The following ACYP2 variants were observed in gnomAD, a reference collection of about 807,000 sequenced individuals.
ACYP2 encodes acylphosphatase-2.
Under a neutral mutation model 11.2 loss-of-function variants are expected in ACYP2, and 12 were observed. The ratio of observed to expected loss-of-function variants is 1.08; its 90% confidence interval spans 0.69 to 1.74. ACYP2 has a LOEUF of 1.74. Among genes scored for constraint, ACYP2 ranks in the 40% most tolerant of loss-of-function variants. The probability of loss-of-function intolerance (pLI) is 0.00; values close to 1 mark genes in which losing one functional copy is unlikely to be tolerated. For missense variants in ACYP2, 134 were observed against 101.9 expected, an observed-to-expected ratio of 1.31 and a Z score of -1.35; for synonymous variants, 43 against 32.2, an observed-to-expected ratio of 1.33 and a Z score of -1.13.
At chr2:54,190,767 C>T (rs1389798317) in intron 6 of ACYP2, among the ~76,000 whole-genome samples, 1 of 152,102 alleles carries the variant, frequency 6.6e-6, no homozygotes, top group Non-Finnish European at 1.5e-5. Flanking sequence ...GACCTGAACT[C>T]CAGAGTCACA....
At chr2:54,124,750 G>C (rs1284830510) in intron 4 of ACYP2, among the ~76,000 whole-genome samples, 2 of 152,120 alleles carry the variant, frequency 1.3e-5, no homozygotes, top group African/African-American at 4.8e-5. Context: ...ACCCAGGCTA[G>C]AGTGCAGCAG....
chr2:54,101,024 G>A (rs998407086), intron 4 of ACYP2, among the ~76,000 whole-genome samples: 4 of 152,218 alleles, frequency 2.6e-5, no homozygotes, highest in Admixed American at 1.3e-4. Context: ...GGGAATGCCA[G>A]CAGTTAGCAG....
At chr2:54,285,394 T>C (rs1478681597) in intron 6 of ACYP2, among the ~76,000 whole-genome samples, 1 of 152,210 alleles carries the variant, frequency 6.6e-6, no homozygotes, top group African/African-American at 2.4e-5. Flanking sequence ...TTCTCTTCTG[T>C]TTCCATTTAT....
chr2:54,005,583 C>T (rs1388771032), intron 2 of ACYP2, among the ~76,000 whole-genome samples: 1 of 152,210 alleles, frequency 6.6e-6, no homozygotes, highest in East Asian at 1.9e-4. Flanking sequence ...AGGTGATCCA[C>T]CTGCCTCAGC....
intron 3 of ACYP2, among the ~76,000 whole-genome samples, chr2:54,054,594 A>G (rs1676024948): frequency 6.6e-6 from 1 of 152,228 alleles, no homozygotes; most frequent in African/African-American, 2.4e-5. Flanking sequence ...ACCATGCTAT[A>G]ATTAAAGAGT....
At chr2:54,090,294 T>C (rs923390900) in intron 4 of ACYP2, among the ~76,000 whole-genome samples, 12 of 152,116 alleles carry the variant, frequency 7.9e-5, no homozygotes, top group African/African-American at 2.9e-4. Flanking sequence ...TTCTACTGCA[T>C]GAACCTCTTT....
At position 54,182,047 on chromosome 2, in the gene ACYP2, ATTTTTTT is replaced by A. The variant is rs35145998; in HGVS notation, c.404+43319_404+43325del. On this transcript the variant is annotated intron_variant, in intron 6 of 6. Coordinates refer to ENST00000607452, the MANE Select transcript of ACYP2 (RefSeq NM_001320586.2). Reference sequence around the variant, plus strand: ...AAAGAAAACAGAAAAATAGAAGATAATTTTTTTTTTTTTTTTTTTTTTTTTTGGTTGA... The same window carrying A: ...AAAGAAAACAGAAAAATAGAAGATAATTTTTTTTTTTTTTTTTTTGGTTGA... 1.0e-3 allele frequency among the ~76,000 whole-genome samples: 86 copies of A among 83,070 alleles called. 1 individual carries two copies. Among genetic ancestry groups the A allele is most frequent in the East Asian group, 3.8e-3 (11 of 2,892 alleles). 54.5% of individuals were successfully genotyped at this position (83,070 alleles called of 152,430 possible).
chr2:54,274,399 G>A (rs1476694621), intron 6 of ACYP2, among the ~76,000 whole-genome samples: 2 of 152,030 alleles, frequency 1.3e-5, no homozygotes, highest in Non-Finnish European at 2.9e-5. Flanking sequence ...CCAGCACTTT[G>A]GGAGGCTGAG....
At chr2:54,046,698 T>A (rs951694107) in intron 2 of ACYP2, among the ~76,000 whole-genome samples, 1 of 152,100 alleles carries the variant, frequency 6.6e-6, no homozygotes, top group African/African-American at 2.4e-5. Context: ...GTATGACCTG[T>A]CCAATCACAC....
chr2:54,255,015 C>T, intron 6 of ACYP2: 1 of 1,614,102 alleles, frequency 6.2e-7, no homozygotes. Flanking sequence ...ACAGGTAGTA[C>T]TGCAGTGGAT....
chr2:54,295,052 C>A (rs1689465496), intron 6 of ACYP2, among the ~76,000 whole-genome samples: 1 of 152,170 alleles, frequency 6.6e-6, no homozygotes, highest in South Asian at 2.1e-4. Flanking sequence ...GTGCACTGGA[C>A]TTGACAGAAG....
chr2:53,996,344 G>A (rs1033575009), intron 2 of ACYP2, among the ~76,000 whole-genome samples: 2 of 152,104 alleles, frequency 1.3e-5, no homozygotes, highest in African/African-American at 4.8e-5. Flanking sequence ...ACACCTATGA[G>A]AGATAAAAAA....
chr2:54,294,975 A>T (rs372426226), intron 6 of ACYP2, among the ~76,000 whole-genome samples: 71 of 152,238 alleles, frequency 4.7e-4, no homozygotes, highest in African/African-American at 1.7e-3. Context: ...AGATGTTTGC[A>T]CATCTTTGAG....
At chr2:54,177,870 G>A (rs760738070) in intron 6 of ACYP2, among the ~76,000 whole-genome samples, 6 of 148,960 alleles carry the variant, frequency 4.0e-5, no homozygotes, top group Admixed American at 6.7e-5. Flanking sequence ...GTGAGCCACC[G>A]TGTCCGGCCT....
intron 4 of ACYP2, among the ~76,000 whole-genome samples, chr2:54,115,200 A>G (rs1320107145): frequency 6.6e-6 from 1 of 152,240 alleles, no homozygotes; most frequent in Non-Finnish European, 1.5e-5. Context: ...CTTCATTAAA[A>G]AATGGTGCAA....
intron 4 of ACYP2, among the ~76,000 whole-genome samples, chr2:54,080,937 A>G (rs1217435718): frequency 6.6e-6 from 1 of 152,152 alleles, no homozygotes; most frequent in Non-Finnish European, 1.5e-5. Context: ...TTTTGTTTCT[A>G]TAGCTTAAAA....
chr2:54,266,772 A>AT (rs374098296), intron 6 of ACYP2, among the ~76,000 whole-genome samples: 218 of 150,782 alleles, frequency 1.4e-3, no homozygotes, highest in African/African-American at 5.2e-3. Flanking sequence ...CGCCTGGCTA[A>AT]TTTTTTTGTA....
At chr2:53,981,667 G>A (rs1671769415) in intron 2 of ACYP2, among the ~76,000 whole-genome samples, 1 of 152,084 alleles carries the variant, frequency 6.6e-6, no homozygotes, top group South Asian at 2.1e-4. Flanking sequence ...TGGAAAGTTG[G>A]GGTTTTCCTT....
intron 6 of ACYP2, among the ~76,000 whole-genome samples, chr2:54,139,465 G>T (rs181583380): frequency 1.4e-3 from 219 of 152,320 alleles, no homozygotes; most frequent in Admixed American, 5.5e-3. Flanking sequence ...TGTACACAAT[G>T]ACGTTTTCAA....
Sources: allele counts gnomAD v4.1 joint callset (sites outside exome capture counted in the v4.1 genomes callset), GRCh38; gene constraint gnomAD v4.1.1; transcripts MANE v1.5; gene names NCBI Gene and HGNC (gene_info 2026-07-23, HGNC 2026-07-21).